Variants in FBN1 observed in about 807,000 individuals in gnomAD.
FBN1 encodes fibrillin-1.
In FBN1, 29 loss-of-function variants were observed where a neutral mutation model predicts 365.1. The ratio of observed to expected loss-of-function variants is 0.08; its 90% confidence interval spans 0.06 to 0.11. The LOEUF (loss-of-function observed/expected upper bound fraction) is 0.11, where lower values mean the gene tolerates loss of function less well. Ranked by LOEUF, FBN1 falls within the 10% of genes least tolerant of loss-of-function variation. The pLI is 1.00. For missense variants in FBN1, 2,476 were observed against 3,703.2 expected (o/e 0.67, Z 8.60); for synonymous variants, 1,210 against 1,270.5 (o/e 0.95, Z 1.01).
At chr15:48,579,756 A>C (rs1228623322) in intron 6 of FBN1, among the ~76,000 whole-genome samples, 1 of 152,216 alleles carries the variant, frequency 6.6e-6, no homozygotes, top group Non-Finnish European at 1.5e-5. Context: ...ATATGTCCTA[A>C]GAAGGGCTCT....
intron 50 of FBN1, among the ~76,000 whole-genome samples, chr15:48,440,875 T>C (rs1339078141): frequency 7.7e-6 from 1 of 130,422 alleles, no homozygotes; most frequent in Admixed American, 8.4e-5. Flanking sequence ...TATTTGGTAA[T>C]ACGGAAGCAA....
At chr15:48,582,843 A>G (rs968914076) in intron 6 of FBN1, among the ~76,000 whole-genome samples, 1 of 152,230 alleles carries the variant, frequency 6.6e-6, no homozygotes, top group African/African-American at 2.4e-5. Context: ...CAATCTAAGC[A>G]GCAAAAGACT....
chr15:48,520,719 C>T lies in FBN1; in HGVS notation c.1087G>A (p.Gly363Ser), dbSNP rs363855. Residue 363 changes from glycine (G) to serine (S), a missense_variant, in exon 10 of 66, where the codon GGC becomes AGC. Gly to Ser is a moderately conservative substitution (Grantham distance 56, BLOSUM62 0). This residue lies in a region of FBN1 where 421 missense variants were observed against 520.1 expected (regional missense o/e 0.81). Transcript: ENST00000316623. ...ITKMQCCCDA[G>S]RCWSPGVTVA... ...GTGACCCCTGGAGACCAGCATCGGC[C>T]GGCATCACAGCAGCACTGCATTTTG... is the stretch of plus-strand genomic sequence containing the variant. The T allele has an allele frequency of 2.1e-5, 34 of 1,614,008 alleles. No individual in the cohort carries two copies. The highest frequency in any genetic ancestry group is 1.5e-4 in the South Asian group (14 of 91,090).
At chr15:48,480,290 A>G (rs1731304200) in intron 32 of FBN1, among the ~76,000 whole-genome samples, 1 of 152,214 alleles carries the variant, frequency 6.6e-6, no homozygotes, top group Non-Finnish European at 1.5e-5. Flanking sequence ...AACATAATAC[A>G]GAACTATCTT....
Position 48,470,626 on chromosome 15 carries a change from G to A in FBN1, c.4459+8C>T, listed in dbSNP as rs1329067005. ...GGGAGCTGATTTTGATGCCAGTGGAGGTCTTACCTGTGCAGTTCCCGCCGC... is the reference window on the plus strand; with the variant it reads ...GGGAGCTGATTTTGATGCCAGTGGAAGTCTTACCTGTGCAGTTCCCGCCGC... On this transcript the variant is annotated splice_region_variant and intron_variant, in intron 36 of 65. Transcript: ENST00000316623. 1.2e-6 allele frequency: 2 copies of A among 1,613,718 alleles called. No homozygotes were observed. Among genetic ancestry groups the A allele is most frequent in the East Asian group, 4.5e-5 (2 of 44,886 alleles).
At chr15:48,475,535 T>C (rs2043412088) in intron 32 of FBN1, among the ~76,000 whole-genome samples, 1 of 152,206 alleles carries the variant, frequency 6.6e-6, no homozygotes, top group Admixed American at 6.5e-5. Context: ...ACCCTCATAA[T>C]CAACTTTGTC....
At chr15:48,567,069 G>T (rs2044263314) in intron 6 of FBN1, among the ~76,000 whole-genome samples, 1 of 152,100 alleles carries the variant, frequency 6.6e-6, no homozygotes, top group African/African-American at 2.4e-5. Context: ...TGATTTCTAT[G>T]AACATTAAAG....
At chr15:48,491,517 CTTTTTTTGTATTT>C (rs1288146948) in intron 24 of FBN1, among the ~76,000 whole-genome samples, 2 of 151,852 alleles carry the variant, frequency 1.3e-5, no homozygotes, top group Non-Finnish European at 2.9e-5. Context: ...TGCCTGGCTA[CTTTTTTTGTATTT>C]TTAGTAGAAA....
intron 64 of FBN1, 134 bp downstream of exon 64, chr15:48,415,402 C>A (rs551896879): frequency 1.3e-6 from 1 of 748,734 alleles, no homozygotes; most frequent in Admixed American, 2.2e-5. Flanking sequence ...TTTTGCCAAG[C>A]TAACTGGAAT....
intron 6 of FBN1, among the ~76,000 whole-genome samples, chr15:48,574,195 A>T (rs981554077): frequency 3.3e-5 from 5 of 152,212 alleles, no homozygotes; most frequent in Non-Finnish European, 7.3e-5. Context: ...TGAGTGTACA[A>T]CCTAGATGGG....
chr15:48,459,376 G>A (rs1035496458), intron 43 of FBN1, among the ~76,000 whole-genome samples: 1 of 152,216 alleles, frequency 6.6e-6, no homozygotes, highest in African/African-American at 2.4e-5. Flanking sequence ...GGACGAGACT[G>A]TGGAGCCATA....
Position 48,506,189 on chromosome 15 carries a change from C to T in FBN1, c.1838-1042G>A, listed in dbSNP as rs193193755. Among the ~76,000 whole-genome samples the T allele has an allele frequency of 3.6e-4, 55 of 152,216 alleles. 1 individual carries two copies. The East Asian group carries it at 9.5e-3, about 26-fold the overall frequency. On this transcript the variant is annotated intron_variant, in intron 15 of 65. Transcript: ENST00000316623. ...AGTGAGCTGAGATTGTGCCACTGCA[C>T]TCCATCCAGCCTGGGAGACAGAGTG...
intron 13 of FBN1, among the ~76,000 whole-genome samples, chr15:48,512,152 T>C: frequency 6.6e-6 from 1 of 152,122 alleles, no homozygotes; most frequent in East Asian, 1.9e-4. Context: ...TGGCAAGAAA[T>C]CTCTACGTGA....
rs775373513 is a variant in FBN1, at chr15:48,456,668, G to A, written c.5391C>T (p.Phe1797=). 2.5e-6 allele frequency: 4 copies of A among 1,613,964 alleles called. No homozygotes were observed. The highest frequency in any genetic ancestry group is 1.1e-5 in the South Asian group (1 of 91,078). Residue 1797 remains phenylalanine (F), a synonymous_variant, in exon 44 of 66, where the codon TTC becomes TTT. Transcript: ENST00000316623. ...AAACCAACAACTTGTCATTATAGAA[G>A]AATCCCACTGGACATTCACATCGGA... is the stretch of plus-strand genomic sequence containing the variant. The part of the protein sequence containing the change: ...GSFRCECPVG[F]FYNDKLLVCE...
At chr15:48,638,509 G>T (rs1890139100) in intron 2 of FBN1, among the ~76,000 whole-genome samples, 1 of 151,194 alleles carries the variant, frequency 6.6e-6, no homozygotes, top group Non-Finnish European at 1.5e-5. Flanking sequence ...TGCATCCCTT[G>T]TTTCTTCATT....
At chr15:48,514,896 T>C (rs892827205) in intron 12 of FBN1, among the ~76,000 whole-genome samples, 2 of 152,208 alleles carry the variant, frequency 1.3e-5, no homozygotes, top group African/African-American at 4.8e-5. Context: ...TGGATATGTT[T>C]AGCTAGCAAA....
At chr15:48,633,964 T>G (rs2140769583) in intron 2 of FBN1, among the ~76,000 whole-genome samples, 1 of 152,340 alleles carries the variant, frequency 6.6e-6, no homozygotes, top group East Asian at 1.9e-4. Flanking sequence ...TCAGTATTTA[T>G]ACATTTCTAA....
In FBN1 at chr15:48,496,170, A is replaced by G. The variant is rs1057522903; in HGVS notation, c.2349T>C (p.Asn783=). The change falls in exon 20 of 66, where the codon AAT becomes AAC. Residue 783 remains asparagine (N), a synonymous_variant. Coordinates refer to ENST00000316623, the MANE Select transcript of FBN1 (RefSeq NM_000138.5). ...AGGTACAGACAAAACTTCCAGGAGTATTTCTACATTGTCCATTGTCACAAA... is the reference window on the plus strand; with the variant it reads ...AGGTACAGACAAAACTTCCAGGAGTGTTTCTACATTGTCCATTGTCACAAA... ...SLLCDNGQCR[N]TPGSFVCTCP... 1.9e-6 allele frequency: 3 copies of G among 1,613,686 alleles called. No individual in the cohort carries two copies. Among genetic ancestry groups the G allele is most frequent in the Non-Finnish European group, 2.5e-6 (3 of 1,179,774 alleles).
rs765217866 is a variant in FBN1, at chr15:48,508,540, A to G, written c.1837+42T>C. 10 of 1,613,142 alleles carry G rather than the reference A, an allele frequency of 6.2e-6. No individual in the cohort carries two copies. In the South Asian group the frequency reaches 7.7e-5, roughly 12 times the overall value. ...CCTCTAAACAACATAAGGAGGAGAAAAGGCACGTGAAGAACATGATCTAGG... is the reference window on the plus strand; with the variant it reads ...CCTCTAAACAACATAAGGAGGAGAAGAGGCACGTGAAGAACATGATCTAGG... On this transcript the variant is annotated intron_variant, in intron 15 of 65. Transcript: ENST00000316623.
Sources: allele counts gnomAD v4.1 joint callset (sites outside exome capture counted in the v4.1 genomes callset), GRCh38; gene constraint gnomAD v4.1.1; regional missense constraint gnomAD v4.1.1; transcripts MANE v1.5; gene names NCBI Gene and HGNC (gene_info 2026-07-23, HGNC 2026-07-21).